The following CELSR3 variants were observed in gnomAD, a reference collection of about 807,000 sequenced individuals.
CELSR3 encodes the protein EGF-like protein 1.
Under a neutral mutation model 270.0 loss-of-function variants are expected in CELSR3, and 73 were observed. The observed-to-expected ratio is 0.27, with a 90% CI of 0.22 to 0.33. The LOEUF (loss-of-function observed/expected upper bound fraction) is 0.33, where lower values mean the gene tolerates loss of function less well. Ranked by LOEUF, CELSR3 falls within the 10% of genes least tolerant of loss-of-function variation. The probability of loss-of-function intolerance (pLI) is 1.00; values close to 1 mark genes in which losing one functional copy is unlikely to be tolerated. For missense variants in CELSR3, 3,614 were observed against 4,533.8 expected (o/e 0.80, Z 5.83); for synonymous variants, 1,780 against 1,905.4 (o/e 0.93, Z 1.71).
Position 48,646,078 on chromosome 3 carries a change from G to A in CELSR3, c.7463+12C>T. On this transcript the variant is annotated intron_variant, in intron 22 of 34. Transcript: ENST00000164024. This position sits in a 1 kb window ranked among gnomAD's most constrained non-coding sequence, Gnocchi z 4.8. ...TAACGGGACCAAGGGTTTCCAGAAT[G>A]GGGGTCCTCACAGGCCAGGTGGGTC... 1 of 1,611,816 alleles carries A rather than the reference G, an allele frequency of 6.2e-7. No homozygotes were observed.
In CELSR3 at chr3:48,639,391, G is replaced by A. The variant is rs541780414; in HGVS notation, c.9911+283C>T. ...GGCCTCAGCTCCTGCCCTCCCATTC[G>A]CTAGCTCAGCCCATCGGATGGCACC... On this transcript the variant is annotated intron_variant, in intron 34 of 34. Transcript: ENST00000164024. This position sits in a 1 kb window ranked among gnomAD's most constrained non-coding sequence, Gnocchi z 4.1. Among the ~76,000 whole-genome samples, 7 of 152,188 alleles carry A rather than the reference G, an allele frequency of 4.6e-5. No homozygotes were observed. The South Asian group carries it at 1.2e-3, about 27-fold the overall frequency.
At chr3:48,648,987 C>T in intron 17 of CELSR3, 59 bp from the exon 18 acceptor site, 1 of 1,586,120 alleles carries the variant, frequency 6.3e-7, no homozygotes, top group Non-Finnish European at 8.6e-7. Context: ...TAAAGCTTCA[C>T]AGGGAGAAAG....
Position 48,638,160 on chromosome 3 carries a change from A to C in CELSR3, c.*45T>G. On this transcript the variant is annotated 3_prime_UTR_variant, in exon 35 of 35. Transcript: ENST00000164024. ...CCTGGAGTCTCTCCTGTTAGCCTAG[A>C]TCCTCTGTCGCCCTCAGCTGTTCCT... 6.3e-7 allele frequency: 1 copy of C among 1,582,546 alleles called. No individual in the cohort carries two copies. The highest frequency in any genetic ancestry group is 8.7e-7 in the Non-Finnish European group (1 of 1,151,806).
In CELSR3 at chr3:48,650,436, C is replaced by CGGGGGGGGG; in HGVS notation, c.6472+43_6472+44insCCCCCCCCC. The CGGGGGGGGG allele has an allele frequency of 1.8e-6, 1 of 568,234 alleles. No homozygotes were observed. Among genetic ancestry groups the CGGGGGGGGG allele is most frequent in the African/African-American group, 2.0e-5 (1 of 51,046 alleles). 35.2% of individuals were successfully genotyped at this position (568,234 alleles called of 1,614,324 possible). On this transcript the variant is annotated intron_variant, in intron 16 of 34. Coordinates refer to ENST00000164024, the MANE Select transcript of CELSR3 (RefSeq NM_001407.3). This position sits in a 1 kb window ranked among gnomAD's most constrained non-coding sequence, Gnocchi z 5.1. ...ATGGCTCTAGCAGTCAGAGTACAGG[C>CGGGGGGGGG]CCACCCCCACCCTCAGTGATGTCCT...
In CELSR3 at chr3:48,656,745, G is replaced by C; in HGVS notation, c.4352C>G (p.Ala1451Gly). Residue 1451 changes from alanine (A) to glycine (G), a missense_variant, in exon 2 of 35, where the codon GCG becomes GGG. By Grantham distance (60) the Ala-to-Gly change is moderately conservative (BLOSUM62 0). Around this residue, in one of 7 missense-constraint regions of CELSR3, gnomAD observed 1,331 missense variants for 1,933.7 expected, o/e 0.69. Transcript: ENST00000164024. ...GCACGTGTAGCCTCCCTCGCGCCGC[G>C]CGCAGGCTCCGCCGTTGCGACATGG... ...SNPCRNGGAC[A>G]RREGGYTCVC... 6.5e-7 allele frequency: 1 copy of C among 1,533,144 alleles called. No individual in the cohort carries two copies. Among genetic ancestry groups the C allele is most frequent in the Non-Finnish European group, 8.8e-7 (1 of 1,142,362 alleles). The allele number at this position is 1,533,144 out of a possible 1,614,324, so 95.0% of individuals were successfully genotyped here. A position where few individuals can be genotyped will look rare whatever the true frequency, so the allele number is the denominator to read the frequency against.
intron 28 of CELSR3, 187 bp from the exon 29 acceptor site, chr3:48,643,270 G>A: frequency 1.6e-6 from 1 of 624,870 alleles, no homozygotes; most frequent in African/African-American, 1.8e-5. Flanking sequence ...GGAGTGGCTG[G>A]AGTCTGTAAG....
chr3:48,645,895 A>G lies in CELSR3; in HGVS notation c.7464-27T>C. ...TGCAGCCACAGGGCAGTTAGACACAACTGTGACCCAGTGTCAGGCAGGGGT... is the reference window on the plus strand; with the variant it reads ...TGCAGCCACAGGGCAGTTAGACACAGCTGTGACCCAGTGTCAGGCAGGGGT... On this transcript the variant is annotated intron_variant, in intron 22 of 34. Coordinates refer to ENST00000164024, the MANE Select transcript of CELSR3 (RefSeq NM_001407.3). The surrounding 1 kb of genome is among the most constrained non-coding windows in gnomAD (Gnocchi z 5.4). 1 of 1,585,528 alleles carries G rather than the reference A, an allele frequency of 6.3e-7. No individual in the cohort carries two copies. Among genetic ancestry groups the G allele is most frequent in the East Asian group, 2.3e-5 (1 of 44,276 alleles).
Position 48,660,836 on chromosome 3 carries a change from C to A in CELSR3, c.1799G>T (p.Gly600Val). 6.2e-7 allele frequency: 1 copy of A among 1,614,032 alleles called. No homozygotes were observed. The highest frequency in any genetic ancestry group is 1.1e-5 in the South Asian group (1 of 91,076). Reference sequence around the variant, plus strand: ...CAGAGGTGCCACCACCTGGATCTCGCCAGTGAGGCTGTCGATGGCAAAGTG... The same window carrying A: ...CAGAGGTGCCACCACCTGGATCTCGACAGTGAGGCTGTCGATGGCAAAGTG... Reference protein sequence around the residue: ...RGHFAIDSLTGEIQVVAPLDF... With the variant: ...RGHFAIDSLTVEIQVVAPLDF... The change falls in exon 1 of 35, where the codon GGC (glycine) becomes GTC (valine). Residue 600 changes from glycine (G) to valine (V), a missense_variant. Gly to Val is a moderately radical substitution (Grantham distance 109). Transcript: ENST00000164024. This position sits in a 1 kb window ranked among gnomAD's most constrained non-coding sequence, Gnocchi z 5.5.
chr3:48,659,466 C>G lies in CELSR3; in HGVS notation c.3169G>C (p.Val1057Leu). 2 of 1,614,234 alleles carry G rather than the reference C, an allele frequency of 1.2e-6. No homozygotes were observed. The highest frequency in any genetic ancestry group is 1.7e-6 in the Non-Finnish European group (2 of 1,180,050). Residue 1057 changes from valine to leucine, a missense_variant, in exon 1 of 35, where the codon GTG becomes CTG. Val to Leu is a conservative substitution (Grantham distance 32). Transcript: ENST00000164024. The surrounding 1 kb of genome is among the most constrained non-coding windows in gnomAD (Gnocchi z 8.1). ...GGTGCATTGTCGTTCACATCCTGCA[C>G]CATCACCTGGATACTGACTGGAGTC... ...LRTPVSIQVM[V>L]QDVNDNAPVF...
At position 48,644,402 on chromosome 3, in the gene CELSR3, C is replaced by A; in HGVS notation, c.8086-107G>T. 9.3e-7 allele frequency: 1 copy of A among 1,077,240 alleles called. No individual in the cohort carries two copies. The highest frequency in any genetic ancestry group is 1.4e-6 in the Non-Finnish European group (1 of 714,510). 66.7% of individuals were successfully genotyped at this position (1,077,240 alleles called of 1,614,324 possible). A position where few individuals can be genotyped will look rare whatever the true frequency, so the allele number is the denominator to read the frequency against. On this transcript the variant is annotated intron_variant, in intron 26 of 34. Transcript: ENST00000164024. This position sits in a 1 kb window ranked among gnomAD's most constrained non-coding sequence, Gnocchi z 4.8. Reference sequence around the variant, plus strand: ...TAAGATTCACGGAGAGAGGCAGAACCAGTGAGAAATTCACACATATACACA... The same window carrying A: ...TAAGATTCACGGAGAGAGGCAGAACAAGTGAGAAATTCACACATATACACA...
intron 16 of CELSR3, 29 bp from the exon 17 acceptor site, chr3:48,649,244 TG>T: frequency 1.3e-6 from 2 of 1,567,012 alleles, no homozygotes; most frequent in Non-Finnish European, 1.7e-6. Flanking sequence ...TGGTCAGGCC[TG>T]GGGCCTGGAT....
intron 19 of CELSR3, 31 bp from the exon 20 acceptor site, chr3:48,648,027 C>G: frequency 3.7e-6 from 6 of 1,608,508 alleles, no homozygotes; most frequent in Non-Finnish European, 5.1e-6. Flanking sequence ...GGAGGCCCAT[C>G]ATGGACCTCT....
intron 18 of CELSR3, 60 bp from the exon 19 acceptor site, chr3:48,648,521 G>A: frequency 6.8e-7 from 1 of 1,467,668 alleles, no homozygotes; most frequent in Non-Finnish European, 9.0e-7. Flanking sequence ...GAGGGGATAG[G>A]GCAGGCATGA....
chr3:48,649,125 A>G lies in CELSR3; in HGVS notation c.6563T>C (p.Leu2188Pro), dbSNP rs1179742083. The G allele has an allele frequency of 1.2e-6, 2 of 1,611,722 alleles. No homozygotes were observed. The highest frequency in any genetic ancestry group is 1.7e-6 in the Non-Finnish European group (2 of 1,179,116). The part of the protein sequence containing the change: ...CTSPAFRELS[L>P]LLDGLELNKT... Reference sequence around the variant, plus strand: ...AAAAGGTCTGGGCAGTCTCACCAGCAGACTGAGCTCTCGAAAGGCAGGGGA... The same window carrying G: ...AAAAGGTCTGGGCAGTCTCACCAGCGGACTGAGCTCTCGAAAGGCAGGGGA... The change falls in exon 17 of 35, where the codon CTG becomes CCG. Residue 2188 changes from leucine to proline, a missense_variant. Physicochemically the swap from Leu to Pro is moderately conservative, Grantham distance 98. This residue lies in a region of CELSR3 where 1,331 missense variants were observed against 1,933.7 expected (regional missense o/e 0.69). Transcript: ENST00000164024.
chr3:48,643,804 T>C, intron 27 of CELSR3, 127 bp from the exon 28 acceptor site: 6 of 1,046,886 alleles, frequency 5.7e-6, no homozygotes, highest in Non-Finnish European at 8.1e-6. Context: ...CACGGGAACA[T>C]GGAGGTCTCT....
Position 48,652,961 on chromosome 3 carries a change from G to A in CELSR3, c.5634+41C>T, listed in dbSNP as rs532185598. 7.0e-6 allele frequency: 11 copies of A among 1,565,268 alleles called. No individual in the cohort carries two copies. The South Asian group carries it at 1.0e-4, about 14-fold the overall frequency. On this transcript the variant is annotated intron_variant, in intron 10 of 34. Coordinates refer to ENST00000164024, the MANE Select transcript of CELSR3 (RefSeq NM_001407.3). The surrounding 1 kb of genome is among the most constrained non-coding windows in gnomAD (Gnocchi z 4.3). The stretch of plus-strand genomic sequence containing the variant: ...GGGGTCAAATAAGGCGGATCTGGTT[G>A]GAAGGCTGAGAACAGACTACCCCGG...
chr3:48,648,177 C>T (rs1423670288), intron 19 of CELSR3, 89 bp downstream of exon 19: 3 of 1,466,196 alleles, frequency 2.0e-6, no homozygotes, highest in African/African-American at 1.4e-5. Context: ...TTAACATTGG[C>T]ATTGATAGCC....
At position 48,648,378 on chromosome 3, in the gene CELSR3, GC is replaced by G; in HGVS notation, c.6860del (p.Gly2287AlafsTer9). On this transcript the variant is annotated frameshift_variant, in exon 19 of 35. Coordinates refer to ENST00000164024, the MANE Select transcript of CELSR3 (RefSeq NM_001407.3). LOFTEE classifies it high-confidence loss of function. ...TCACCAGTCCCGCGCTGCCTGGGGA[GC>G]CCCCAGGGGCCCGCTGCCCCAGCGC... Reference protein sequence around the residue: ...WAALGQRAPGGSPGSAGLVRH... With the variant: ...WAALGQRAPGXSPGSAGLVRH... 1 of 1,611,288 alleles carries G rather than the reference GC, an allele frequency of 6.2e-7. No homozygotes were observed.
chr3:48,659,177 G>T lies in CELSR3; in HGVS notation c.3458C>A (p.Ala1153Asp). The T allele has an allele frequency of 6.2e-7, 1 of 1,614,214 alleles. No homozygotes were observed. The highest frequency in any genetic ancestry group is 1.3e-5 in the African/African-American group (1 of 75,056). Residue 1153 changes from alanine to aspartate, a missense_variant, in exon 1 of 35, where the codon GCC becomes GAC. By Grantham distance (126) the Ala-to-Asp change is moderately radical. Transcript: ENST00000164024. The surrounding 1 kb of genome is among the most constrained non-coding windows in gnomAD (Gnocchi z 8.1). ...QATSAPLVSR[A>D]TVHVRLVDQN... ...GTCAACCAGGCGGACGTGCACAGTG[G>T]CCCGGCTGACCAAAGGAGCAGATGT...
Sources: gnomAD v4.1 joint callset for allele counts (sites outside exome capture counted in the v4.1 genomes callset) on GRCh38, gnomAD v4.1.1 for gene constraint, gnomAD v4.1.1 regional missense constraint, Gnocchi (gnomAD v3.1) non-coding constraint, MANE v1.5 for transcripts, NCBI Gene and HGNC (gene_info 2026-07-23, HGNC 2026-07-21) for gene names.